ZMYM1: variants seen among roughly 807,000 people sequenced by gnomAD.
ZMYM1 encodes zinc finger MYM-type containing 1.
In ZMYM1, 39 loss-of-function variants were observed where a neutral mutation model predicts 60.0. That is an observed-to-expected ratio of 0.65 (90% CI 0.50 to 0.85). The LOEUF (loss-of-function observed/expected upper bound fraction) is 0.85, where lower values mean the gene tolerates loss of function less well. Ranked by LOEUF, ZMYM1 falls within the 40% of genes least tolerant of loss-of-function variation. The pLI is 0.00. For missense variants in ZMYM1, 1,171 were observed against 1,309.5 expected (o/e 0.89, Z 1.63); for synonymous variants, 413 against 454.0 (o/e 0.91, Z 1.15).
chr1:35,090,106 C>T (rs1642916578), intron 1 of ZMYM1, among the ~76,000 whole-genome samples: 1 of 152,022 alleles, frequency 6.6e-6, no homozygotes, highest in Non-Finnish European at 1.5e-5. Flanking sequence ...TGGGGTTTCA[C>T]CATGTTAGCC....
rs371051268 is a variant in ZMYM1, at chr1:35,114,359, C to T, written c.2529C>T (p.Ala843=). 4.3e-6 allele frequency: 7 copies of T among 1,611,822 alleles called. No homozygotes were observed. The highest frequency in any genetic ancestry group is 4.5e-5 in the East Asian group (2 of 44,818). ...IASHSSNTSF[A]DELSHLLTLV... ...GCCATTCTTCAAATACAAGTTTCGC[C>T]GATGAATTGAGTCATTTGCTGACAT... Residue 843 remains alanine (A), a synonymous_variant, in exon 10 of 10, where the codon GCC becomes GCT. Transcript: ENST00000359858.
upstream of ZMYM1, among the ~76,000 whole-genome samples, chr1:35,078,482 C>T (rs1557632804): frequency 7.1e-6 from 1 of 140,440 alleles, no homozygotes; most frequent in Non-Finnish European, 1.5e-5. Flanking sequence ...AAAGTATTGT[C>T]AAAAAACATT....
chr1:35,093,082 G>A (rs1643120036), intron 1 of ZMYM1, among the ~76,000 whole-genome samples: 1 of 152,138 alleles, frequency 6.6e-6, no homozygotes, highest in African/African-American at 2.4e-5. Flanking sequence ...CTCGGAGTAA[G>A]AAAAATGAAA....
chr1:35,060,176 A>ATTATTATTATTATTT (rs1553135162), intron 1 of ZMYM1, among the ~76,000 whole-genome samples: 34 of 148,752 alleles, frequency 2.3e-4, no homozygotes, highest in African/African-American at 7.6e-4. Context: ...TATTATTATT[A>ATTATTATTATTATTT]TTATTATTTT....
intron 1 of ZMYM1, among the ~76,000 whole-genome samples, chr1:35,088,173 A>G (rs1642758884): frequency 6.6e-6 from 1 of 151,920 alleles, no homozygotes; most frequent in African/African-American, 2.4e-5. Context: ...TAATCCCAAC[A>G]CTTTGGGTGG....
rs1217523425 is a variant in ZMYM1 at position 35,114,484 on chromosome 1, A to G, written c.2654A>G (p.Asp885Gly). 6.2e-7 allele frequency: 1 copy of G among 1,612,462 alleles called. No homozygotes were observed. ...AAAGAGCTTCAAAATAAAACCATAG[A>G]CATTTTTTCTTTGTCTTCAAAAATA... is the stretch of plus-strand genomic sequence containing the variant. ...LSKELQNKTI[D>G]IFSLSSKIEA... Residue 885 changes from aspartate (D) to glycine (G), a missense_variant, in exon 10 of 10, where the codon GAC becomes GGC. Asp to Gly is a moderately conservative substitution (Grantham distance 94). Transcript: ENST00000359858.
chr1:35,108,447 G>T (rs1643968529), intron 6 of ZMYM1, among the ~76,000 whole-genome samples: 1 of 152,036 alleles, frequency 6.6e-6, no homozygotes, highest in Non-Finnish European at 1.5e-5. Context: ...CGCCTCCCAG[G>T]TTCAAGCAAT....
chr1:35,067,677 G>A (rs932402613), intron 1 of ZMYM1, among the ~76,000 whole-genome samples: 6 of 151,802 alleles, frequency 4.0e-5, no homozygotes, highest in African/African-American at 1.5e-4. Context: ...GAATTCGAGA[G>A]CAGCCTGGCC....
In ZMYM1 at chr1:35,104,280, G is replaced by T. The variant is rs757883181; in HGVS notation, c.420-15G>T. On this transcript the variant is annotated splice_polypyrimidine_tract_variant and intron_variant, in intron 4 of 9. Coordinates refer to ENST00000359858, the MANE Select transcript of ZMYM1 (RefSeq NM_024772.5). Reference sequence around the variant, plus strand: ...GTTTAAACTGTTTAATGATGTCCTTGTTATTTATTCTTAGAGACATTTTAA... The same window carrying T: ...GTTTAAACTGTTTAATGATGTCCTTTTTATTTATTCTTAGAGACATTTTAA... 1.3e-6 allele frequency: 2 copies of T among 1,550,068 alleles called. No homozygotes were observed. The highest frequency in any genetic ancestry group is 1.7e-6 in the Non-Finnish European group (2 of 1,152,000).
In ZMYM1 at chr1:35,115,280, C is replaced by T. The variant is rs531660326; in HGVS notation, c.*21C>T. ...TATAATACATGCTCATTTGAACTTA[C>T]CTAAAAGACTTGTATTTCCATTGGG... On this transcript the variant is annotated 3_prime_UTR_variant, in exon 10 of 10. Coordinates refer to ENST00000359858, the MANE Select transcript of ZMYM1 (RefSeq NM_024772.5). The T allele has an allele frequency of 3.3e-6, 5 of 1,513,358 alleles. No individual in the cohort carries two copies. The highest frequency in any genetic ancestry group is 1.4e-5 in the South Asian group (1 of 73,964). The allele number at this position is 1,513,358 out of a possible 1,614,324, so 93.7% of individuals were successfully genotyped here.
intron 1 of ZMYM1, among the ~76,000 whole-genome samples, chr1:35,071,508 A>AT (rs1474595218): frequency 6.6e-6 from 1 of 151,344 alleles, no homozygotes; most frequent in Non-Finnish European, 1.5e-5. Flanking sequence ...AACTTTTCTA[A>AT]TTTTTTGTAG....
At chr1:35,079,542 G>A (rs1444994588) in intron 1 of ZMYM1, 100 bp downstream of exon 1, 5 of 152,352 alleles carry the variant, frequency 3.3e-5, no homozygotes, top group Admixed American at 2.6e-4. Context: ...ATGACGCGCC[G>A]GGTCGGGGTT....
intron 6 of ZMYM1, among the ~76,000 whole-genome samples, chr1:35,106,073 A>G (rs1353846097): frequency 6.6e-6 from 1 of 152,140 alleles, no homozygotes; most frequent in Non-Finnish European, 1.5e-5. Context: ...TGAGCAACAT[A>G]GCAAGAACCT....
intron 4 of ZMYM1, among the ~76,000 whole-genome samples, chr1:35,101,812 A>C (rs947839462): frequency 6.6e-6 from 1 of 151,666 alleles, no homozygotes; most frequent in African/African-American, 2.4e-5. Flanking sequence ...TGGCCTCCCA[A>C]GATTAAAGGT....
At chr1:35,078,486 A>T (rs1464686234), upstream of ZMYM1, among the ~76,000 whole-genome samples, 1 of 151,674 alleles carries the variant, frequency 6.6e-6, no homozygotes, top group Non-Finnish European at 1.5e-5. Context: ...TATTGTCAAA[A>T]AACATTTAAA....
chr1:35,080,753 G>GTA (rs143221288), intron 1 of ZMYM1, among the ~76,000 whole-genome samples: 4,699 of 151,954 alleles, frequency 0.031, 253 homozygotes, highest in African/African-American at 0.1. Context: ...TCAGTACCTT[G>GTA]TATATACTTA....
intron 1 of ZMYM1, among the ~76,000 whole-genome samples, chr1:35,064,515 C>T (rs1435928169): frequency 6.6e-6 from 1 of 151,678 alleles, no homozygotes; most frequent in Non-Finnish European, 1.5e-5. Context: ...CTTTCAAGTA[C>T]ATGAGGAACA....
rs571665871 is a variant in ZMYM1, at chr1:35,065,657, GA to G, written c.-301+5742del. On this transcript the variant is annotated intron_variant, in intron 1 of 10. Transcript: ENST00000417119. ...TCTAAGCTTCCATCTTAAGAAGTTA[GA>G]AAAAAAAAAGGAAAATAATTCCAAA... Among the ~76,000 whole-genome samples the G allele has an allele frequency of 6.1e-3, 859 of 140,686 alleles. 9 individuals are homozygous for G. The highest frequency in any genetic ancestry group is 0.02 in the African/African-American group (759 of 38,416). The allele number at this position is 140,686 out of a possible 152,430, so 92.3% of individuals were successfully genotyped here.
chr1:35,090,342 T>G (rs935156804), intron 1 of ZMYM1, among the ~76,000 whole-genome samples: 7 of 152,002 alleles, frequency 4.6e-5, no homozygotes, highest in African/African-American at 1.7e-4. Context: ...AAAGTAGGCC[T>G]CAGTCAAGGA....
Sources: gnomAD v4.1 joint callset for allele counts (sites outside exome capture counted in the v4.1 genomes callset) on GRCh38, gnomAD v4.1.1 for gene constraint, MANE v1.5 for transcripts, NCBI Gene and HGNC (gene_info 2026-07-23, HGNC 2026-07-21) for gene names.